Variants in MYLK observed in about 807,000 individuals in gnomAD.
MYLK encodes myosin light chain kinase, also known as myosin light chain kinase, smooth muscle.
In MYLK, 106 loss-of-function variants were observed where a neutral mutation model predicts 203.4. The observed-to-expected ratio is 0.52, with a 90% CI of 0.45 to 0.61. MYLK has a LOEUF of 0.61. MYLK is among the 20% of genes least tolerant of loss of function. The pLI is 0.00. For synonymous variants in MYLK, 867 were observed against 959.5 expected, an observed-to-expected ratio of 0.90 and a Z score of 1.78; for missense variants, 2,072 against 2,442.3, an observed-to-expected ratio of 0.85 and a Z score of 3.20.
intron 2 of MYLK, among the ~76,000 whole-genome samples, chr3:123,847,814 A>G (rs1399574991): frequency 6.6e-6 from 1 of 152,104 alleles, no homozygotes; most frequent in African/African-American, 2.4e-5. Flanking sequence ...AAGCATTTAT[A>G]TTTATAAATA....
intron 20 of MYLK, among the ~76,000 whole-genome samples, chr3:123,673,161 C>CTTTTTT (rs761090869): frequency 1.4e-4 from 19 of 136,950 alleles, no homozygotes; most frequent in African/African-American, 4.5e-4. Flanking sequence ...TTTTTCTTTT[C>CTTTTTT]TTTTTTTTTT....
rs375792564 is a variant in MYLK at position 123,657,366 on chromosome 3, G to C, written c.4048C>G (p.Leu1350Val). ...ASDIRSSSLT[L>V]SWYGSSYDGG... ...TCATATGAGGAGCCATACCAGGACAGGGTCAGTGAGGAGCTCCGAATGTCA... is the reference window on the plus strand; with the variant it reads ...TCATATGAGGAGCCATACCAGGACACGGTCAGTGAGGAGCTCCGAATGTCA... Residue 1350 changes from leucine (L) to valine (V), a missense_variant, in exon 24 of 34, where the codon CTG becomes GTG. Physicochemically the swap from Leu to Val is conservative, Grantham distance 32. Transcript: ENST00000360304. 6.2e-7 allele frequency: 1 copy of C among 1,614,046 alleles called. No individual in the cohort carries two copies. The highest frequency in any genetic ancestry group is 1.3e-5 in the African/African-American group (1 of 74,924).
intron 12 of MYLK, among the ~76,000 whole-genome samples, chr3:123,724,313 A>G (rs2062203040): frequency 6.6e-6 from 1 of 152,046 alleles, no homozygotes; most frequent in African/African-American, 2.4e-5. Context: ...ACAACAGCAG[A>G]GTTGAGAGTT....
At chr3:123,644,956 T>C (rs1157446333) in intron 27 of MYLK, among the ~76,000 whole-genome samples, 1 of 152,210 alleles carries the variant, frequency 6.6e-6, no homozygotes, top group Admixed American at 6.5e-5. Flanking sequence ...GATTTGACAA[T>C]TGCAAAATCA....
intron 4 of MYLK, among the ~76,000 whole-genome samples, chr3:123,776,817 T>C (rs2064095142): frequency 6.6e-6 from 1 of 152,228 alleles, no homozygotes; most frequent in Non-Finnish European, 1.5e-5. Flanking sequence ...TTACTCATGA[T>C]CACAGTTGGT....
chr3:123,807,134 T>C (rs181886524), intron 3 of MYLK, among the ~76,000 whole-genome samples: 6 of 152,198 alleles, frequency 3.9e-5, no homozygotes, highest in Admixed American at 2.0e-4. Context: ...TATCAAGATA[T>C]GTTAAATCTT....
At chr3:123,830,036 T>G (rs189393694) in intron 3 of MYLK, among the ~76,000 whole-genome samples, 40 of 152,332 alleles carry the variant, frequency 2.6e-4, no homozygotes, top group African/African-American at 9.1e-4. Context: ...CAGCATAAAG[T>G]AGGTGACTAA....
At chr3:123,735,230 A>G (rs1453933684) in intron 9 of MYLK, 168 bp downstream of exon 9, 4 of 904,224 alleles carry the variant, frequency 4.4e-6, no homozygotes, top group Non-Finnish European at 7.4e-6. Flanking sequence ...CCCGTGTGTC[A>G]TATTACAATA....
At chr3:123,723,006 T>C (rs1026578440) in intron 12 of MYLK, among the ~76,000 whole-genome samples, 14 of 152,076 alleles carry the variant, frequency 9.2e-5, no homozygotes, top group African/African-American at 3.1e-4. Context: ...GCTTCAGTGG[T>C]TTCCTTAATG....
chr3:123,626,451 T>C (rs2058152817), intron 31 of MYLK, among the ~76,000 whole-genome samples: 2 of 152,340 alleles, frequency 1.3e-5, no homozygotes, highest in South Asian at 2.1e-4. Context: ...GAAACCACCA[T>C]ACTACCACCC....
chr3:123,725,100 C>T (rs1482917558), intron 12 of MYLK, among the ~76,000 whole-genome samples: 2 of 152,154 alleles, frequency 1.3e-5, no homozygotes, highest in African/African-American at 4.8e-5. Context: ...AGATCCCAAA[C>T]CTTCTTTTCC....
chr3:123,758,181 C>T (rs1367469249), intron 4 of MYLK, among the ~76,000 whole-genome samples: 1 of 152,096 alleles, frequency 6.6e-6, no homozygotes, highest in Non-Finnish European at 1.5e-5. Flanking sequence ...ATGGCATGAC[C>T]AAGCTTCAGA....
intron 18 of MYLK, among the ~76,000 whole-genome samples, chr3:123,694,888 T>C (rs1171945963): frequency 6.6e-6 from 1 of 152,210 alleles, no homozygotes; most frequent in African/African-American, 2.4e-5. Flanking sequence ...AGTTCATTCT[T>C]GACCTCTAGA....
At chr3:123,664,500 AT>A in intron 22 of MYLK, among the ~76,000 whole-genome samples, 1 of 151,976 alleles carries the variant, frequency 6.6e-6, no homozygotes, top group Non-Finnish European at 1.5e-5. Flanking sequence ...GGCAGGATGG[AT>A]GGATGAACTA....
intron 30 of MYLK, among the ~76,000 whole-genome samples, chr3:123,627,317 G>T (rs879676277): frequency 6.6e-6 from 1 of 152,170 alleles, no homozygotes. Context: ...GGCCCACAAA[G>T]CCTAATCCTC....
At chr3:123,799,581 G>A (rs542301937) in intron 3 of MYLK, among the ~76,000 whole-genome samples, 11 of 152,150 alleles carry the variant, frequency 7.2e-5, no homozygotes, top group South Asian at 2.1e-4. Context: ...AGCAGGCTCC[G>A]CAGTCTACCG....
intron 19 of MYLK, among the ~76,000 whole-genome samples, chr3:123,684,154 G>A (rs1182344635): frequency 6.6e-6 from 1 of 152,136 alleles, no homozygotes; most frequent in East Asian, 1.9e-4. Flanking sequence ...TGTCAGCCTC[G>A]GTGGATCTCA....
At chr3:123,741,771 T>C (rs1177532294) in intron 5 of MYLK, among the ~76,000 whole-genome samples, 3 of 152,228 alleles carry the variant, frequency 2.0e-5, no homozygotes, top group Non-Finnish European at 4.4e-5. Flanking sequence ...AGAAAATAAG[T>C]AGTCAGGTAA....
intron 33 of MYLK, chr3:123,617,614 G>C (rs1323102968): frequency 6.6e-6 from 1 of 152,256 alleles, no homozygotes; most frequent in African/African-American, 2.4e-5. Context: ...GGGAGGCACA[G>C]TTTGTTTTGA....
Sources: gnomAD v4.1 joint callset for allele counts (sites outside exome capture counted in the v4.1 genomes callset) on GRCh38, gnomAD v4.1.1 for gene constraint, MANE v1.5 for transcripts, NCBI Gene and HGNC (gene_info 2026-07-23, HGNC 2026-07-21) for gene names.